The following RASGEF1A variants were observed in gnomAD, a reference collection of about 807,000 sequenced individuals.
RASGEF1A encodes the protein RasGEF domain family member 1A, also known as ras-GEF domain-containing family member 1A.
A neutral mutation model predicts 56.4 loss-of-function variants in RASGEF1A; 18 were observed. The ratio of observed to expected loss-of-function variants is 0.32; its 90% CI spans 0.22 to 0.47. RASGEF1A has a LOEUF of 0.47. Ranked by LOEUF, RASGEF1A falls within the 20% of genes least tolerant of loss-of-function variation. RASGEF1A has a pLI of 1.00. For synonymous variants in RASGEF1A, 245 were observed against 242.6 expected, an observed-to-expected ratio of 1.01 and a Z score of -0.09; for missense variants, 422 against 627.1, an observed-to-expected ratio of 0.67 and a Z score of 3.49.
At chr10:43,213,847 C>T (rs908213577) in intron 1 of RASGEF1A, among the ~76,000 whole-genome samples, 17 of 152,236 alleles carry the variant, frequency 1.1e-4, no homozygotes, top group Middle Eastern at 3.4e-3. Flanking sequence ...AGGCTGGTCT[C>T]GAACTCCTGG....
chr10:43,241,159 A>G (rs1050021408), intron 1 of RASGEF1A, among the ~76,000 whole-genome samples: 1 of 152,238 alleles, frequency 6.6e-6, no homozygotes, highest in Non-Finnish European at 1.5e-5. Flanking sequence ...AGGTAACTTT[A>G]CTGGTTTTAT....
intron 1 of RASGEF1A, among the ~76,000 whole-genome samples, chr10:43,220,922 G>C (rs1840199569): frequency 6.6e-6 from 1 of 152,154 alleles, no homozygotes; most frequent in Non-Finnish European, 1.5e-5. Flanking sequence ...GCATCCCTGA[G>C]ACCCAACAAG....
Position 43,202,181 on chromosome 10 carries a change from A to T in RASGEF1A, c.322-236T>A, listed in dbSNP as rs536243773. On this transcript the variant is annotated intron_variant, in intron 3 of 12. Transcript: ENST00000395810. The stretch of plus-strand genomic sequence containing the variant: ...TTTTTCACTTAAATAAACTTATATT[A>T]AAAAAACCCACCCCATCTCTAAGGT... 7.0e-4 allele frequency among the ~76,000 whole-genome samples: 107 copies of T among 151,880 alleles called. 5 individuals carry two copies. The South Asian group carries it at 0.02, about 29-fold the overall frequency.
intron 1 of RASGEF1A, among the ~76,000 whole-genome samples, chr10:43,211,817 C>A (rs1158630517): frequency 2.6e-5 from 4 of 152,222 alleles, no homozygotes; most frequent in African/African-American, 9.6e-5. Flanking sequence ...GTCCCCACAC[C>A]CACGGGAAGC....
In RASGEF1A at chr10:43,200,897, T is replaced by A. The variant is rs765562557; in HGVS notation, c.460-9A>T. The stretch of plus-strand genomic sequence containing the variant: ...TTCACTGTGCCATTCTCCTGTGGGG[T>A]CAAGGGCAATAAGGGTGCCAGCATG... On this transcript the variant is annotated splice_polypyrimidine_tract_variant and intron_variant, in intron 4 of 12. Transcript: ENST00000395810. 5.6e-6 allele frequency: 9 copies of A among 1,611,528 alleles called. No homozygotes were observed. The East Asian group carries it at 2.0e-4, about 36-fold the overall frequency.
chr10:43,261,446 C>T (rs1836527453), intron 1 of RASGEF1A, among the ~76,000 whole-genome samples: 1 of 152,238 alleles, frequency 6.6e-6, no homozygotes, highest in African/African-American at 2.4e-5. Flanking sequence ...CTCCCAGGTG[C>T]CACCAATGCT....
chr10:43,256,852 G>A (rs944904801), intron 1 of RASGEF1A, among the ~76,000 whole-genome samples: 2 of 152,164 alleles, frequency 1.3e-5, no homozygotes, highest in African/African-American at 4.8e-5. Context: ...CCATCTTGGG[G>A]CCCAGCTGTT....
At chr10:43,251,676 G>A (rs1220985852) in intron 1 of RASGEF1A, among the ~76,000 whole-genome samples, 3 of 152,174 alleles carry the variant, frequency 2.0e-5, no homozygotes, top group Admixed American at 6.5e-5. Context: ...ACTGCGAAAC[G>A]TGCTTGTTGA....
chr10:43,202,316 T>G (rs1384887003), intron 3 of RASGEF1A, among the ~76,000 whole-genome samples: 1 of 152,202 alleles, frequency 6.6e-6, no homozygotes, highest in African/African-American at 2.4e-5. Context: ...GTCTGCCCCC[T>G]GTGGTTGAAA....
intron 1 of RASGEF1A, among the ~76,000 whole-genome samples, chr10:43,228,729 C>T (rs1225799079): frequency 2.6e-5 from 4 of 152,242 alleles, no homozygotes; most frequent in Non-Finnish European, 5.9e-5. Context: ...CACCAGGTAG[C>T]ACTCCACCCA....
chr10:43,251,829 T>C (rs923901932), intron 1 of RASGEF1A, among the ~76,000 whole-genome samples: 1 of 152,160 alleles, frequency 6.6e-6, no homozygotes, highest in Non-Finnish European at 1.5e-5. Context: ...GGCCCAGCAC[T>C]GGTGTGGACC....
chr10:43,237,668 C>T (rs570186691), intron 1 of RASGEF1A, among the ~76,000 whole-genome samples: 105 of 152,280 alleles, frequency 6.9e-4, no homozygotes, highest in African/African-American at 2.4e-3. Flanking sequence ...TAACGCACGG[C>T]GTGGGTTCCA....
At chr10:43,252,812 G>A (rs1048079108) in intron 1 of RASGEF1A, among the ~76,000 whole-genome samples, 4 of 151,926 alleles carry the variant, frequency 2.6e-5, no homozygotes, top group East Asian at 1.9e-4. Flanking sequence ...TGACTGGCTC[G>A]CGGCGGGAGG....
intron 1 of RASGEF1A, chr10:43,229,624 G>A (rs745530470): frequency 3.2e-5 from 48 of 1,491,756 alleles, no homozygotes; most frequent in Non-Finnish European, 3.9e-5. Flanking sequence ...GCCTGGGCCC[G>A]CCGCAGCCCT....
intron 1 of RASGEF1A, among the ~76,000 whole-genome samples, chr10:43,250,128 A>G (rs538472887): frequency 6.6e-6 from 1 of 152,294 alleles, no homozygotes; most frequent in Non-Finnish European, 1.5e-5. Flanking sequence ...CATGCACCTG[A>G]AGGACCGGTG....
intron 1 of RASGEF1A, among the ~76,000 whole-genome samples, chr10:43,223,646 G>T (rs1185086451): frequency 3.3e-5 from 5 of 152,276 alleles, no homozygotes; most frequent in African/African-American, 1.2e-4. Context: ...GAATAGAGTA[G>T]AACTCCTTAT....
intron 1 of RASGEF1A, among the ~76,000 whole-genome samples, chr10:43,250,258 G>A (rs1356290477): frequency 1.3e-5 from 2 of 152,220 alleles, no homozygotes; most frequent in Non-Finnish European, 2.9e-5. Context: ...ACTACAGCTG[G>A]GGAGAGGAGG....
At chr10:43,212,513 G>A (rs999815971) in intron 1 of RASGEF1A, among the ~76,000 whole-genome samples, 1 of 152,182 alleles carries the variant, frequency 6.6e-6, no homozygotes, top group Non-Finnish European at 1.5e-5. Flanking sequence ...CCTCCCATTG[G>A]TGGTCGGCCT....
Position 43,234,912 on chromosome 10 carries a change from G to A in RASGEF1A, c.-6-28790C>T, listed in dbSNP as rs1057501170. On this transcript the variant is annotated intron_variant, in intron 1 of 12. Coordinates refer to ENST00000395810, the MANE Select transcript of RASGEF1A (RefSeq NM_145313.4). ...TCAAGCCTCCTGCACACACAGCCACGGTCTGCAGAGAGGCCCCTCCAGGCT... is the reference window on the plus strand; with the variant it reads ...TCAAGCCTCCTGCACACACAGCCACAGTCTGCAGAGAGGCCCCTCCAGGCT... Among the ~76,000 whole-genome samples the A allele has an allele frequency of 4.6e-5, 7 of 152,264 alleles. No individual in the cohort carries two copies. The East Asian group carries it at 5.8e-4, about 13-fold the overall frequency.
Sources: gnomAD v4.1 joint callset for allele counts (sites outside exome capture counted in the v4.1 genomes callset) on GRCh38, gnomAD v4.1.1 for gene constraint, MANE v1.5 for transcripts, NCBI Gene and HGNC (gene_info 2026-07-23, HGNC 2026-07-21) for gene names.